Variants in DAB1 observed in about 807,000 individuals in gnomAD.
DAB1 encodes the protein DAB adaptor protein 1.
Under a neutral mutation model 64.6 loss-of-function variants are expected in DAB1, and 15 were observed. That is an observed-to-expected ratio of 0.23 (90% CI 0.16 to 0.36). The LOEUF (loss-of-function observed/expected upper bound fraction) is 0.36, where lower values mean the gene tolerates loss of function less well. DAB1 is among the 10% of genes least tolerant of loss of function. DAB1 has a pLI of 1.00. For synonymous variants in DAB1, 235 were observed against 251.9 expected (o/e 0.93, Z 0.64); for missense variants, 596 against 706.7 (o/e 0.84, Z 1.78).
chr1:58,454,130 G>T (rs892743997), intron 3 of DAB1, among the ~76,000 whole-genome samples: 11 of 152,112 alleles, frequency 7.2e-5, no homozygotes, highest in Non-Finnish European at 1.5e-4. Flanking sequence ...GCTTCGACTG[G>T]GCATTCACCT....
At chr1:57,772,476 C>G (rs1163720005) in intron 6 of DAB1, among the ~76,000 whole-genome samples, 1 of 152,124 alleles carries the variant, frequency 6.6e-6, no homozygotes, top group Admixed American at 6.6e-5. Context: ...AATAAAGCTG[C>G]TGTGAACATT....
chr1:58,069,700 A>C (rs182728207), intron 5 of DAB1, among the ~76,000 whole-genome samples: 28 of 152,278 alleles, frequency 1.8e-4, no homozygotes, highest in Non-Finnish European at 1.5e-4. Context: ...ATGATATCTT[A>C]TGTAATACAT....
chr1:57,544,140 G>A (rs1644831882), intron 7 of DAB1, among the ~76,000 whole-genome samples: 2 of 152,126 alleles, frequency 1.3e-5, no homozygotes, highest in South Asian at 4.2e-4. Context: ...GAACAAATAT[G>A]TACACTTACA....
intron 1 of DAB1, among the ~76,000 whole-genome samples, chr1:57,391,893 G>T (rs549715498): frequency 6.6e-6 from 1 of 152,116 alleles, no homozygotes; most frequent in East Asian, 1.9e-4. Context: ...AAAATGCAGT[G>T]TTAATATGAA....
intron 3 of DAB1, among the ~76,000 whole-genome samples, chr1:58,373,037 T>C (rs1173265019): frequency 1.3e-5 from 2 of 152,186 alleles, no homozygotes; most frequent in African/African-American, 2.4e-5. Flanking sequence ...TAATTCTTAA[T>C]TCTCTGTGGA....
chr1:57,130,812 C>T (rs1228652592), intron 4 of DAB1, among the ~76,000 whole-genome samples: 1 of 152,090 alleles, frequency 6.6e-6, no homozygotes, highest in Non-Finnish European at 1.5e-5. Flanking sequence ...TTTCATCTTT[C>T]TCTTAGTCTA....
At chr1:57,859,732 A>G (rs1653922735) in intron 1 of DAB1, among the ~76,000 whole-genome samples, 1 of 152,220 alleles carries the variant, frequency 6.6e-6, no homozygotes, top group African/African-American at 2.4e-5. Context: ...CTGAGATGGA[A>G]TATATTTCCT....
At chr1:58,369,205 C>T (rs568192210) in intron 3 of DAB1, among the ~76,000 whole-genome samples, 2 of 152,092 alleles carry the variant, frequency 1.3e-5, no homozygotes, top group African/African-American at 4.8e-5. Context: ...GCTTTTTTCC[C>T]CCTCCATGTT....
At chr1:58,049,860 C>G (rs547009958) in intron 5 of DAB1, among the ~76,000 whole-genome samples, 1 of 152,000 alleles carries the variant, frequency 6.6e-6, no homozygotes, top group Admixed American at 6.6e-5. Flanking sequence ...AAAATAGAAT[C>G]CACCTCTCCT....
chr1:58,184,158 G>C (rs919147831), intron 4 of DAB1, among the ~76,000 whole-genome samples: 1 of 151,880 alleles, frequency 6.6e-6, no homozygotes, highest in Admixed American at 6.6e-5. Flanking sequence ...CTGGGATTTA[G>C]ATGGAAAGTC....
At chr1:57,171,371 T>C (rs753031198) in intron 2 of DAB1, among the ~76,000 whole-genome samples, 5 of 152,224 alleles carry the variant, frequency 3.3e-5, no homozygotes, top group African/African-American at 1.2e-4. Flanking sequence ...CTGAGGATGT[T>C]TGCAGGAAAC....
intron 11 of DAB1, among the ~76,000 whole-genome samples, chr1:57,022,142 C>A (rs918634728): frequency 3.2e-4 from 49 of 152,292 alleles, no homozygotes; most frequent in African/African-American, 1.1e-3. Flanking sequence ...ATAGAGGGCA[C>A]CTGGTGAGCA....
chr1:58,395,918 A>T (rs1250962820), intron 3 of DAB1, among the ~76,000 whole-genome samples: 1 of 152,206 alleles, frequency 6.6e-6, no homozygotes, highest in Non-Finnish European at 1.5e-5. Context: ...TGCCTTGCCT[A>T]GAATTGATTA....
intron 2 of DAB1, among the ~76,000 whole-genome samples, chr1:57,202,372 G>A (rs908408209): frequency 1.3e-5 from 2 of 152,182 alleles, no homozygotes; most frequent in African/African-American, 4.8e-5. Context: ...GATGAGGACA[G>A]ATTTTGTTGG....
intron 2 of DAB1, among the ~76,000 whole-genome samples, chr1:57,182,579 A>G (rs1371665003): frequency 6.6e-6 from 1 of 152,196 alleles, no homozygotes; most frequent in African/African-American, 2.4e-5. Flanking sequence ...AGAGAACCTC[A>G]ATTTCTAATG....
At chr1:58,347,782 T>C (rs1052705181) in intron 3 of DAB1, among the ~76,000 whole-genome samples, 2 of 148,174 alleles carry the variant, frequency 1.3e-5, no homozygotes, top group African/African-American at 4.8e-5. Context: ...AGAAAGAGAC[T>C]GGAAGAAGGG....
chr1:58,141,541 A>G (rs571333682), intron 5 of DAB1, among the ~76,000 whole-genome samples: 11 of 152,288 alleles, frequency 7.2e-5, no homozygotes, highest in Admixed American at 2.6e-4. Flanking sequence ...TTAAATGGCC[A>G]GATCTCATGT....
intron 7 of DAB1, among the ~76,000 whole-genome samples, chr1:57,590,136 A>G (rs974436019): frequency 2.0e-5 from 3 of 152,082 alleles, no homozygotes; most frequent in African/African-American, 7.2e-5. Context: ...TCTGGTTTCT[A>G]AGGCTTCTCT....
chr1:57,586,059 T>C (rs1376837349), intron 7 of DAB1, among the ~76,000 whole-genome samples: 1 of 151,984 alleles, frequency 6.6e-6, no homozygotes, highest in East Asian at 1.9e-4. Context: ...ATCAGGAGGG[T>C]TGATCCAAGG....
Sources: gnomAD v4.1 joint callset for allele counts (sites outside exome capture counted in the v4.1 genomes callset) on GRCh38, gnomAD v4.1.1 for gene constraint, MANE v1.5 for transcripts, NCBI Gene and HGNC (gene_info 2026-07-23, HGNC 2026-07-21) for gene names.